Variants in FER observed in about 807,000 individuals in gnomAD.
The protein encoded by FER is FER tyrosine kinase, also known as tyrosine-protein kinase Fer.
A neutral mutation model predicts 111.0 loss-of-function variants in FER; 63 were observed. That is an observed-to-expected ratio of 0.57 (90% CI 0.46 to 0.70). The LOEUF is 0.70. Ranked by LOEUF, FER falls within the 30% of genes least tolerant of loss-of-function variation. The pLI is 0.00. For missense variants in FER, 914 were observed against 954.0 expected (o/e 0.96, Z 0.55); for synonymous variants, 327 against 313.9 (o/e 1.04, Z -0.44).
chr5:108,799,151 A>G lies in FER; in HGVS notation c.207+762A>G, dbSNP rs752193661. Among the ~76,000 whole-genome samples the G allele has an allele frequency of 9.8e-4, 149 of 152,234 alleles. 3 individuals are homozygous for G. The highest frequency in any genetic ancestry group is 8.4e-4 in the Non-Finnish European group (57 of 68,034). On this transcript the variant is annotated intron_variant, in intron 3 of 19. Coordinates refer to ENST00000281092, the MANE Select transcript of FER (RefSeq NM_005246.4). ...GTATATTGTTGAGTTAGTCACTCTTAAAACATCCATTAGATGAATAATGTA... is the reference window on the plus strand; with the variant it reads ...GTATATTGTTGAGTTAGTCACTCTTGAAACATCCATTAGATGAATAATGTA...
At chr5:109,108,457 A>G (rs1286335133) in intron 17 of FER, among the ~76,000 whole-genome samples, 1 of 152,156 alleles carries the variant, frequency 6.6e-6, no homozygotes, top group Non-Finnish European at 1.5e-5. Context: ...TGTTGTAGGG[A>G]GAAGAGAATC....
At chr5:108,828,720 A>T (rs950166018) in intron 3 of FER, among the ~76,000 whole-genome samples, 69 of 152,250 alleles carry the variant, frequency 4.5e-4, no homozygotes, top group African/African-American at 1.5e-3. Flanking sequence ...ATTGTAAGGA[A>T]TACTATTAGC....
chr5:108,905,950 A>C (rs1036996601), intron 10 of FER, among the ~76,000 whole-genome samples: 1 of 152,192 alleles, frequency 6.6e-6, no homozygotes, highest in Admixed American at 6.5e-5. Flanking sequence ...AGTTACAGAG[A>C]TAATGACTAA....
chr5:109,029,090 C>G (rs1408828700), intron 13 of FER, among the ~76,000 whole-genome samples: 1 of 152,130 alleles, frequency 6.6e-6, no homozygotes, highest in Non-Finnish European at 1.5e-5. Context: ...CAAAGGTGGT[C>G]AAGAGTATAG....
At chr5:108,921,342 A>G (rs909469106) in intron 10 of FER, among the ~76,000 whole-genome samples, 4 of 152,116 alleles carry the variant, frequency 2.6e-5, no homozygotes, top group Non-Finnish European at 5.9e-5. Context: ...TATGGTATGT[A>G]TGTATGTATG....
chr5:109,114,708 C>T (rs977813486), intron 17 of FER, among the ~76,000 whole-genome samples: 2 of 152,030 alleles, frequency 1.3e-5, no homozygotes, highest in African/African-American at 2.4e-5. Flanking sequence ...ATAAAGCAGA[C>T]TGGATTTGGA....
In FER at chr5:109,193,328, T is replaced by G. The variant is rs1304788088; in HGVS notation, c.*5753T>G. The G allele has an allele frequency of 6.6e-6, 1 of 152,170 alleles. No homozygotes were observed. Among genetic ancestry groups the G allele is most frequent in the Non-Finnish European group, 1.5e-5 (1 of 68,014 alleles). The allele number at this position is 152,170 out of a possible 1,614,324, so 9.4% of individuals were successfully genotyped here. The stretch of plus-strand genomic sequence containing the variant: ...TAGGATAGCCAGCATTCAGGAAAAT[T>G]GCTGTGAACCTCCTGTTTTTAATTT... On this transcript the variant is annotated 3_prime_UTR_variant, in exon 20 of 20. Coordinates refer to ENST00000281092, the MANE Select transcript of FER (RefSeq NM_005246.4).
chr5:108,835,716 A>G lies in FER; in HGVS notation c.390A>G (p.Lys130=). ...QIEAEMIKVT[K]TELEKLKCSY... is the part of the protein sequence containing the mutation. Reference sequence around the variant, plus strand: ...TTTTGTTTCTTTGACAGGTTACCAAAACAGAATTGGAGAAGTTAAAATGCA... The same window carrying G: ...TTTTGTTTCTTTGACAGGTTACCAAGACAGAATTGGAGAAGTTAAAATGCA... The change falls in exon 5 of 20, where the codon AAA becomes AAG. Residue 130 remains lysine (K), a synonymous_variant. Coordinates refer to ENST00000281092, the MANE Select transcript of FER (RefSeq NM_005246.4). 1 of 1,562,702 alleles carries G rather than the reference A, an allele frequency of 6.4e-7. No homozygotes were observed. Among genetic ancestry groups the G allele is most frequent in the East Asian group, 2.3e-5 (1 of 43,436 alleles).
chr5:108,989,684 A>G (rs534551606), intron 13 of FER, among the ~76,000 whole-genome samples: 1 of 151,856 alleles, frequency 6.6e-6, no homozygotes, highest in Non-Finnish European at 1.5e-5. Context: ...TCTCTTATTT[A>G]TAACTATTTC....
At chr5:108,933,733 T>C (rs1222156000) in intron 10 of FER, among the ~76,000 whole-genome samples, 2 of 152,220 alleles carry the variant, frequency 1.3e-5, no homozygotes, top group Non-Finnish European at 2.9e-5. Context: ...TTCCTACCCA[T>C]GAGCATGGAA....
In FER at chr5:108,910,569, A is replaced by G. The variant is rs146419056; in HGVS notation, c.1236+12721A>G. Reference sequence around the variant, plus strand: ...GTATAATGGTGGGGTTTGGGCTTCTAGTATACCCATCACCCAAATAGTGAA... The same window carrying G: ...GTATAATGGTGGGGTTTGGGCTTCTGGTATACCCATCACCCAAATAGTGAA... On this transcript the variant is annotated intron_variant, in intron 10 of 19. Transcript: ENST00000281092. Among the ~76,000 whole-genome samples, 960 of 152,258 alleles carry G rather than the reference A, an allele frequency of 6.3e-3. 10 individuals are homozygous for G. Among genetic ancestry groups the G allele is most frequent in the African/African-American group, 0.022 (900 of 41,548 alleles).
At chr5:109,118,733 G>A (rs1301024145) in intron 17 of FER, among the ~76,000 whole-genome samples, 3 of 152,034 alleles carry the variant, frequency 2.0e-5, no homozygotes, top group Admixed American at 2.0e-4. Flanking sequence ...GTTTAGTCTT[G>A]GAAGGGTGTA....
At chr5:108,927,302 G>C (rs962117299) in intron 10 of FER, among the ~76,000 whole-genome samples, 4 of 119,366 alleles carry the variant, frequency 3.4e-5, no homozygotes, top group African/African-American at 7.8e-5. Flanking sequence ...CGCCCAGGCC[G>C]GACTGCGGAC....
intron 10 of FER, among the ~76,000 whole-genome samples, chr5:108,930,795 G>A (rs1754556185): frequency 6.6e-6 from 1 of 150,952 alleles, no homozygotes. Flanking sequence ...TGTATTTTTA[G>A]TAGAGACAGG....
chr5:109,179,184 AAC>A (rs1439693586), intron 17 of FER, among the ~76,000 whole-genome samples: 2 of 152,200 alleles, frequency 1.3e-5, no homozygotes, highest in African/African-American at 4.8e-5. Context: ...CATAAGAGAA[AAC>A]ACAAAATTGA....
intron 10 of FER, among the ~76,000 whole-genome samples, chr5:108,931,026 A>T (rs898972089): frequency 6.6e-6 from 1 of 152,214 alleles, no homozygotes; most frequent in Non-Finnish European, 1.5e-5. Context: ...TCTTATTCTG[A>T]GTAAGAACTT....
At chr5:109,149,637 AG>A (rs1754606065) in intron 17 of FER, among the ~76,000 whole-genome samples, 1 of 152,200 alleles carries the variant, frequency 6.6e-6, no homozygotes, top group Admixed American at 6.5e-5. Context: ...TGGAAATTCT[AG>A]TAAACAAAGC....
At chr5:109,178,623 A>T (rs553548767) in intron 17 of FER, among the ~76,000 whole-genome samples, 2 of 152,202 alleles carry the variant, frequency 1.3e-5, no homozygotes, top group Non-Finnish European at 2.9e-5. Flanking sequence ...GACTATACAT[A>T]TGTGGGTCTG....
chr5:109,019,172 C>T (rs1767596071), intron 13 of FER, among the ~76,000 whole-genome samples: 1 of 151,484 alleles, frequency 6.6e-6, no homozygotes, highest in African/African-American at 2.4e-5. Context: ...GAGATGGGCT[C>T]CAGTGTATGC....
Sources: allele counts gnomAD v4.1 joint callset (sites outside exome capture counted in the v4.1 genomes callset), GRCh38; gene constraint gnomAD v4.1.1; transcripts MANE v1.5; gene names NCBI Gene and HGNC (gene_info 2026-07-23, HGNC 2026-07-21).